Variants in TMCO5A observed in about 807,000 individuals in gnomAD.
TMCO5A encodes transmembrane and coiled-coil domain-containing protein 5A.
In TMCO5A, 34 loss-of-function variants were observed where a neutral mutation model predicts 42.3. The ratio of observed to expected loss-of-function variants is 0.80; its 90% CI spans 0.61 to 1.07. The LOEUF (loss-of-function observed/expected upper bound fraction) is 1.07. Ranked by LOEUF, TMCO5A falls within the 50% of genes least tolerant of loss-of-function variation. The pLI, the probability that TMCO5A is intolerant of heterozygous loss-of-function variation, is 0.00. For synonymous variants in TMCO5A, 131 were observed against 115.6 expected, an observed-to-expected ratio of 1.13 and a Z score of -0.86; for missense variants, 357 against 327.9, an observed-to-expected ratio of 1.09 and a Z score of -0.69.
downstream of TMCO5A, among the ~76,000 whole-genome samples, chr15:37,954,827 TTTGA>T (rs1347949178): frequency 1.3e-5 from 2 of 152,058 alleles, no homozygotes; most frequent in African/African-American, 4.8e-5. Flanking sequence ...AAACAGAGCC[TTTGA>T]TTTCTTTTTT....
chr15:37,994,025 G>C, the TMCO5A span, among the ~76,000 whole-genome samples: 1 of 152,188 alleles, frequency 6.6e-6, no homozygotes, highest in South Asian at 2.1e-4. Flanking sequence ...CATCTTCCCA[G>C]AATCCTCGAC....
At chr15:37,963,831 G>A (rs571368569) in intron 11 of TMCO5A, among the ~76,000 whole-genome samples, 4 of 152,224 alleles carry the variant, frequency 2.6e-5, no homozygotes, top group East Asian at 3.9e-4. Flanking sequence ...TTTAACTGCT[G>A]TTGCTTTAAA....
the TMCO5A span, among the ~76,000 whole-genome samples, chr15:37,997,919 G>A: frequency 6.6e-5 from 10 of 152,122 alleles, no homozygotes; most frequent in East Asian, 1.9e-4. Flanking sequence ...ATATTTCATC[G>A]TAATTTTGAT....
the TMCO5A span, among the ~76,000 whole-genome samples, chr15:37,984,055 C>T: frequency 2.6e-5 from 4 of 152,166 alleles, no homozygotes; most frequent in Non-Finnish European, 5.9e-5. Flanking sequence ...ACATGTTGCT[C>T]ATCTAACTCT....
chr15:37,946,715 C>G (rs1328316119), intron 10 of TMCO5A, among the ~76,000 whole-genome samples: 1 of 152,168 alleles, frequency 6.6e-6, no homozygotes, highest in South Asian at 2.1e-4. Context: ...GAATTTGTAG[C>G]CTGAGACTTT....
chr15:37,986,393 G>C, the TMCO5A span, among the ~76,000 whole-genome samples: 1 of 148,984 alleles, frequency 6.7e-6, no homozygotes, highest in Non-Finnish European at 1.5e-5. Flanking sequence ...GTGTGTGTGT[G>C]TGTGTGTGTG....
the TMCO5A span, among the ~76,000 whole-genome samples, chr15:38,034,483 TA>T: frequency 1.3e-5 from 2 of 152,142 alleles, no homozygotes; most frequent in East Asian, 1.9e-4. Flanking sequence ...GATTAACTTA[TA>T]AAAAATAGGA....
chr15:38,037,936 C>A, the TMCO5A span, among the ~76,000 whole-genome samples: 38 of 151,960 alleles, frequency 2.5e-4, no homozygotes, highest in African/African-American at 9.2e-4. Context: ...TCGCTTGAAC[C>A]CGGGAGGCAG....
At chr15:37,998,899 T>G in the TMCO5A span, among the ~76,000 whole-genome samples, 1,749 of 152,096 alleles carry the variant, frequency 0.011, 31 homozygotes, top group African/African-American at 0.039. Context: ...GTTTTCTTTT[T>G]TTGTTGTTGT....
the TMCO5A span, among the ~76,000 whole-genome samples, chr15:37,984,612 G>A: frequency 6.6e-6 from 1 of 151,088 alleles, no homozygotes; most frequent in Admixed American, 6.6e-5. Flanking sequence ...CCAAGGCAAT[G>A]GAGTTACAAG....
the TMCO5A span, among the ~76,000 whole-genome samples, chr15:37,977,886 C>T: frequency 6.6e-6 from 1 of 152,128 alleles, no homozygotes; most frequent in Admixed American, 6.5e-5. Context: ...ACCTGGGGGC[C>T]CTGTCTGGCA....
At chr15:37,937,116 G>A in intron 4 of TMCO5A, 146 bp downstream of exon 4, 1 of 1,334,496 alleles carries the variant, frequency 7.5e-7, no homozygotes, top group Non-Finnish European at 1.0e-6. Context: ...ATGCGTGGAA[G>A]GGGATGTGTC....
the TMCO5A span, among the ~76,000 whole-genome samples, chr15:38,036,535 A>G: frequency 6.6e-6 from 1 of 150,504 alleles, no homozygotes; most frequent in Non-Finnish European, 1.5e-5. Flanking sequence ...CACTCTACAC[A>G]CTACACTTCA....
chr15:37,957,941 T>C (rs187670323), intron 11 of TMCO5A, among the ~76,000 whole-genome samples: 1 of 152,052 alleles, frequency 6.6e-6, no homozygotes, highest in East Asian at 1.9e-4. Context: ...ATGCCACACA[T>C]CTACAACAAT....
the TMCO5A span, chr15:38,020,634 T>G: frequency 6.6e-6 from 1 of 152,202 alleles, no homozygotes; most frequent in Non-Finnish European, 1.5e-5. Flanking sequence ...CAAAATAATT[T>G]GGTGATGAAT....
chr15:38,032,247 T>A, the TMCO5A span, among the ~76,000 whole-genome samples: 3 of 152,292 alleles, frequency 2.0e-5, no homozygotes, highest in African/African-American at 4.8e-5. Context: ...GAGCCACCGC[T>A]CCCAGCAGAC....
chr15:37,961,272 T>A (rs1056216405), intron 11 of TMCO5A, among the ~76,000 whole-genome samples: 1 of 152,194 alleles, frequency 6.6e-6, no homozygotes, highest in Non-Finnish European at 1.5e-5. Context: ...TATCCAATTA[T>A]CCCAGCACTA....
At chr15:37,980,599 AG>A in the TMCO5A span, among the ~76,000 whole-genome samples, 1 of 133,912 alleles carries the variant, frequency 7.5e-6, no homozygotes, top group Non-Finnish European at 1.5e-5. Context: ...TCTCTGTGAG[AG>A]CGGCGCACAC....
At chr15:37,991,985 A>G in the TMCO5A span, among the ~76,000 whole-genome samples, 1 of 152,206 alleles carries the variant, frequency 6.6e-6, no homozygotes, top group South Asian at 2.1e-4. Flanking sequence ...AAGCAATTGC[A>G]GCAAAAGCAA....
Sources: allele counts gnomAD v4.1 joint callset (sites outside exome capture counted in the v4.1 genomes callset), GRCh38; gene constraint gnomAD v4.1.1; transcripts MANE v1.5; gene names NCBI Gene and HGNC (gene_info 2026-07-23, HGNC 2026-07-21).